Variants in LRBA observed in about 807,000 individuals in gnomAD.
LRBA encodes LPS responsive beige-like anchor protein.
Under a neutral mutation model 330.0 loss-of-function variants are expected in LRBA, and 176 were observed. The ratio of observed to expected loss-of-function variants is 0.53; its 90% CI spans 0.47 to 0.60. The LOEUF (loss-of-function observed/expected upper bound fraction) is 0.60, where lower values mean the gene tolerates loss of function less well. LRBA is among the 20% of genes least tolerant of loss of function. The pLI, the probability that LRBA is intolerant of heterozygous loss-of-function variation, is 0.00. For synonymous variants in LRBA, 1,230 were observed against 1,193.0 expected, an observed-to-expected ratio of 1.03 and a Z score of -0.64; for missense variants, 3,259 against 3,444.8, an observed-to-expected ratio of 0.95 and a Z score of 1.35.
chr4:150,489,230 T>TTATATATACGAATA (rs1758408180), intron 41 of LRBA, among the ~76,000 whole-genome samples: 1 of 59,394 alleles, frequency 1.7e-5, no homozygotes, highest in Admixed American at 2.7e-4. Context: ...ATATAATATA[T>TTATATATACGAATA]TATATATACG....
At chr4:150,576,490 G>C (rs1394445699) in intron 40 of LRBA, among the ~76,000 whole-genome samples, 3 of 151,814 alleles carry the variant, frequency 2.0e-5, no homozygotes, top group African/African-American at 7.2e-5. Context: ...TTACTTCTTA[G>C]TCAGGCTAAA....
intron 40 of LRBA, among the ~76,000 whole-genome samples, chr4:150,553,575 A>C (rs1766901951): frequency 6.6e-6 from 1 of 152,176 alleles, no homozygotes; most frequent in South Asian, 2.1e-4. Flanking sequence ...GACAGAATAC[A>C]AAAATACAAT....
At chr4:150,621,273 T>C (rs1776264242) in intron 37 of LRBA, among the ~76,000 whole-genome samples, 1 of 152,206 alleles carries the variant, frequency 6.6e-6, no homozygotes, top group Non-Finnish European at 1.5e-5. Flanking sequence ...ATCTCCCTTA[T>C]CATTTAAGCT....
chr4:150,372,446 CAAA>C (rs1002037572), intron 47 of LRBA, among the ~76,000 whole-genome samples: 1 of 149,754 alleles, frequency 6.7e-6, no homozygotes, highest in Non-Finnish European at 1.5e-5. Flanking sequence ...ACCCTCTCTA[CAAA>C]AATTAGCTGT....
At chr4:150,386,512 G>A (rs1322035621) in intron 47 of LRBA, among the ~76,000 whole-genome samples, 5 of 148,728 alleles carry the variant, frequency 3.4e-5, no homozygotes, top group East Asian at 2.0e-4. Context: ...GTGAGAGCAC[G>A]TGCTATTTGG....
At chr4:150,572,824 A>G (rs936908484) in intron 40 of LRBA, among the ~76,000 whole-genome samples, 2 of 152,116 alleles carry the variant, frequency 1.3e-5, no homozygotes, top group Non-Finnish European at 2.9e-5. Context: ...GCTCATTGAT[A>G]ATGACATACC....
At chr4:150,367,015 C>A (rs981402856) in intron 47 of LRBA, among the ~76,000 whole-genome samples, 2 of 152,142 alleles carry the variant, frequency 1.3e-5, no homozygotes, top group African/African-American at 2.4e-5. Context: ...TACTCCCCTA[C>A]CTCTTAGTGA....
At chr4:150,505,528 C>T (rs1053041151) in intron 40 of LRBA, among the ~76,000 whole-genome samples, 1 of 152,166 alleles carries the variant, frequency 6.6e-6, no homozygotes, top group Non-Finnish European at 1.5e-5. Flanking sequence ...TTCTTTGACA[C>T]CAATGAGAAC....
intron 33 of LRBA, among the ~76,000 whole-genome samples, chr4:150,802,431 A>G (rs942951709): frequency 6.6e-6 from 1 of 152,018 alleles, no homozygotes; most frequent in Non-Finnish European, 1.5e-5. Flanking sequence ...GTTTCAAGAT[A>G]CAGAAAAAAT....
At chr4:150,273,200 C>T (rs1273681982) in intron 56 of LRBA, among the ~76,000 whole-genome samples, 1 of 152,122 alleles carries the variant, frequency 6.6e-6, no homozygotes, top group Non-Finnish European at 1.5e-5. Flanking sequence ...AATTTCATAT[C>T]CAGCCAAACT....
chr4:150,800,607 C>T (rs1242147572), intron 33 of LRBA, among the ~76,000 whole-genome samples: 1 of 152,106 alleles, frequency 6.6e-6, no homozygotes, highest in Non-Finnish European at 1.5e-5. Flanking sequence ...GGCCCTAAAA[C>T]CTTAAAGTCA....
intron 44 of LRBA, among the ~76,000 whole-genome samples, chr4:150,454,243 G>A (rs1753769519): frequency 6.6e-6 from 1 of 152,076 alleles, no homozygotes; most frequent in Non-Finnish European, 1.5e-5. Context: ...ACAGGCGTGA[G>A]CCACCACAAC....
chr4:150,615,829 G>A (rs895723087), intron 37 of LRBA, among the ~76,000 whole-genome samples: 39 of 151,920 alleles, frequency 2.6e-4, no homozygotes, highest in Admixed American at 1.1e-3. Flanking sequence ...CCAGTGACAT[G>A]CAAGCAGAAG....
intron 40 of LRBA, among the ~76,000 whole-genome samples, chr4:150,517,744 T>C (rs1228689367): frequency 5.3e-5 from 8 of 152,190 alleles, no homozygotes; most frequent in East Asian, 1.9e-4. Context: ...TTCTATGTCA[T>C]ATTAATAGTA....
chr4:150,330,047 T>C (rs78150402), intron 48 of LRBA, among the ~76,000 whole-genome samples: 2,840 of 152,302 alleles, frequency 0.019, 39 homozygotes, highest in Middle Eastern at 0.034. Context: ...AATATTTCTC[T>C]GATCAAATGT....
chr4:150,510,693 C>T (rs947104894), intron 40 of LRBA, among the ~76,000 whole-genome samples: 1 of 151,990 alleles, frequency 6.6e-6, no homozygotes, highest in African/African-American at 2.4e-5. Flanking sequence ...GATTTCATCC[C>T]GAATCACTGC....
intron 28 of LRBA, among the ~76,000 whole-genome samples, chr4:150,838,314 T>C (rs1222637224): frequency 6.6e-6 from 1 of 152,192 alleles, no homozygotes; most frequent in Non-Finnish European, 1.5e-5. Flanking sequence ...GTTCTCTGTA[T>C]TTCCTTAATT....
chr4:150,304,659 T>A (rs1730127600), intron 52 of LRBA, among the ~76,000 whole-genome samples: 1 of 152,012 alleles, frequency 6.6e-6, no homozygotes, highest in African/African-American at 2.4e-5. Context: ...TAAAAAAGAA[T>A]CCAAGACCTT....
intron 40 of LRBA, among the ~76,000 whole-genome samples, chr4:150,554,026 GT>G (rs769994382): frequency 6.0e-4 from 92 of 152,290 alleles, no homozygotes; most frequent in Non-Finnish European, 1.1e-3. Flanking sequence ...AGGATGTCTA[GT>G]GATAAACCTT....
Sources: gnomAD v4.1 joint callset for allele counts (sites outside exome capture counted in the v4.1 genomes callset) on GRCh38, gnomAD v4.1.1 for gene constraint, MANE v1.5 for transcripts, NCBI Gene and HGNC (gene_info 2026-07-23, HGNC 2026-07-21) for gene names.